The following SMAP1 variants were observed in gnomAD, a reference collection of about 807,000 sequenced individuals.
The protein encoded by SMAP1 is small ArfGAP 1.
In SMAP1, 24 loss-of-function variants were observed where a neutral mutation model predicts 58.5. The observed-to-expected ratio is 0.41, with a 90% CI of 0.30 to 0.58. The LOEUF (loss-of-function observed/expected upper bound fraction) is 0.58. Ranked by LOEUF, SMAP1 falls within the 20% of genes least tolerant of loss-of-function variation. SMAP1 has a pLI of 0.29. For synonymous variants in SMAP1, 216 were observed against 196.6 expected (o/e 1.10, Z -0.82); for missense variants, 563 against 566.3 (o/e 0.99, Z 0.06).
chr6:70,844,011 A>G (rs1770897730), intron 7 of SMAP1, among the ~76,000 whole-genome samples: 1 of 152,156 alleles, frequency 6.6e-6, no homozygotes, highest in South Asian at 2.1e-4. Context: ...AGCCACTACC[A>G]TTAGAGAGAA....
intron 7 of SMAP1, among the ~76,000 whole-genome samples, chr6:70,847,134 T>C (rs1456352436): frequency 1.3e-5 from 2 of 152,216 alleles, no homozygotes; most frequent in African/African-American, 4.8e-5. Context: ...ATTTGGATTA[T>C]TGGCGTCAGA....
chr6:70,757,805 C>G (rs1406532212), intron 3 of SMAP1, among the ~76,000 whole-genome samples: 2 of 152,194 alleles, frequency 1.3e-5, no homozygotes, highest in South Asian at 2.1e-4. Context: ...AAATGCAAAT[C>G]AAAACCACAA....
In SMAP1 at chr6:70,754,902, A is replaced by G; in HGVS notation, c.253-78A>G. The G allele has an allele frequency of 4.2e-6, 3 of 711,334 alleles. No homozygotes were observed. In the East Asian group the frequency reaches 7.7e-5, roughly 18 times the overall value. 44.1% of individuals were successfully genotyped at this position (711,334 alleles called of 1,614,324 possible). A position where few individuals can be genotyped will look rare whatever the true frequency, so the allele number is the denominator to read the frequency against. On this transcript the variant is annotated intron_variant, in intron 2 of 10. Transcript: ENST00000370455. The stretch of plus-strand genomic sequence containing the variant: ...AATAAATTATTTGGTATTTGTGTAT[A>G]TGTATGTATGTGTATGTATGTGCAG...
intron 1 of SMAP1, among the ~76,000 whole-genome samples, chr6:70,686,503 T>TA (rs1766940038): frequency 6.6e-6 from 1 of 152,216 alleles, no homozygotes; most frequent in African/African-American, 2.4e-5. Flanking sequence ...GAATTATAGT[T>TA]AACTCTTGAA....
At position 70,808,935 on chromosome 6, in the gene SMAP1, T is replaced by TGTGTGTGG. The variant is rs1285058510; in HGVS notation, c.576+10204_576+10205insGGGTGTGT. On this transcript the variant is annotated intron_variant, in intron 6 of 10. Transcript: ENST00000370455. ...GTGTGTGTGTGTGTGTGTGTGTGTG[T>TGTGTGTGG]GTGTGTACACACTTACTGGTTTCTT... is the stretch of plus-strand genomic sequence containing the variant. Among the ~76,000 whole-genome samples the TGTGTGTGG allele has an allele frequency of 3.3e-5, 5 of 149,870 alleles. No individual in the cohort carries two copies. The East Asian group carries it at 9.7e-4, about 29-fold the overall frequency.
chr6:70,671,374 A>G (rs1345123399), intron 1 of SMAP1, among the ~76,000 whole-genome samples: 4 of 152,274 alleles, frequency 2.6e-5, no homozygotes, highest in Admixed American at 1.3e-4. Context: ...ATTCAAGACC[A>G]GCCTGGCCAA....
Position 70,755,359 on chromosome 6 carries a change from G to T in SMAP1, c.338+294G>T, listed in dbSNP as rs116680810. ...CTTACGATTTTTCCACTTCATGATGGTGAGAAAGCAGTATGCGTTTGGTAG... is the reference window on the plus strand; with the variant it reads ...CTTACGATTTTTCCACTTCATGATGTTGAGAAAGCAGTATGCGTTTGGTAG... On this transcript the variant is annotated intron_variant, in intron 3 of 10. Coordinates refer to ENST00000370455, the MANE Select transcript of SMAP1 (RefSeq NM_001044305.3). 7.0e-3 allele frequency among the ~76,000 whole-genome samples: 1,072 copies of T among 152,108 alleles called. 11 individuals carry two copies. The highest frequency in any genetic ancestry group is 0.024 in the African/African-American group (1,006 of 41,526).
chr6:70,832,710 C>T (rs1412107715), intron 6 of SMAP1, among the ~76,000 whole-genome samples: 2 of 152,160 alleles, frequency 1.3e-5, no homozygotes. Context: ...GGCAAGAGAG[C>T]ACTTGAACAA....
chr6:70,706,681 G>GA (rs199539405), intron 1 of SMAP1, among the ~76,000 whole-genome samples: 3,572 of 152,202 alleles, frequency 0.023, 53 homozygotes, highest in Non-Finnish European at 0.037. Flanking sequence ...TTAAACAAAT[G>GA]AAAAAATATA....
intron 6 of SMAP1, among the ~76,000 whole-genome samples, chr6:70,812,562 T>C (rs992678787): frequency 6.6e-6 from 1 of 152,190 alleles, no homozygotes; most frequent in Non-Finnish European, 1.5e-5. Flanking sequence ...TATTTGAAAG[T>C]ATTGCAGTGC....
In SMAP1 at chr6:70,691,226, A is replaced by G. The variant is rs138194243; in HGVS notation, c.118+23085A>G. Among the ~76,000 whole-genome samples, 97 of 152,080 alleles carry G rather than the reference A, an allele frequency of 6.4e-4. No individual in the cohort carries two copies. The East Asian group carries it at 0.016, about 25-fold the overall frequency. On this transcript the variant is annotated intron_variant, in intron 1 of 10. Coordinates refer to ENST00000370455, the MANE Select transcript of SMAP1 (RefSeq NM_001044305.3). ...GCCATGCTAGAGATTTACCTATTTT[A>G]TTGATGTTTTTCAAATAATCAGTCT...
chr6:70,857,936 C>G lies in SMAP1; in HGVS notation c.976C>G (p.Pro326Ala). The change falls in exon 10 of 11, where the codon CCC (proline) becomes GCC (alanine). Residue 326 changes from proline (P) to alanine (A), a missense_variant. Pro to Ala is a conservative substitution (Grantham distance 27). Coordinates refer to ENST00000370455, the MANE Select transcript of SMAP1 (RefSeq NM_001044305.3). ...QQSTPGVFMGPTNIPFTSQAP... is the reference protein window; with the variant it reads ...QQSTPGVFMGATNIPFTSQAP... Reference sequence around the variant, plus strand: ...TTGTGGTGCAGGTGTATTTATGGGACCCACAAATATACCATTTACCTCACA... The same window carrying G: ...TTGTGGTGCAGGTGTATTTATGGGAGCCACAAATATACCATTTACCTCACA... 1 of 1,613,908 alleles carries G rather than the reference C, an allele frequency of 6.2e-7. No homozygotes were observed. Among genetic ancestry groups the G allele is most frequent in the Non-Finnish European group, 8.5e-7 (1 of 1,179,892 alleles).
At chr6:70,756,264 T>C (rs1766486686) in intron 3 of SMAP1, among the ~76,000 whole-genome samples, 1 of 152,128 alleles carries the variant, frequency 6.6e-6, no homozygotes, top group South Asian at 2.1e-4. Flanking sequence ...CCCATTTGTA[T>C]AGTAAAACAA....
At chr6:70,729,392 T>TCA (rs1424758375) in intron 1 of SMAP1, among the ~76,000 whole-genome samples, 1 of 145,270 alleles carries the variant, frequency 6.9e-6, no homozygotes, top group East Asian at 2.0e-4. Flanking sequence ...TGAGCCGAGA[T>TCA]CACGCCACTG....
chr6:70,682,739 C>G (rs1766771193), intron 1 of SMAP1, among the ~76,000 whole-genome samples: 1 of 152,102 alleles, frequency 6.6e-6, no homozygotes, highest in African/African-American at 2.4e-5. Flanking sequence ...CCCACCACTA[C>G]TATCTAAAGA....
chr6:70,814,083 G>A (rs1487908134), intron 6 of SMAP1, among the ~76,000 whole-genome samples: 2 of 152,152 alleles, frequency 1.3e-5, no homozygotes, highest in African/African-American at 4.8e-5. Context: ...CCTATTTATA[G>A]TAAAGCATCT....
chr6:70,684,680 A>G (rs1766860324), intron 1 of SMAP1, among the ~76,000 whole-genome samples: 1 of 151,094 alleles, frequency 6.6e-6, no homozygotes, highest in Non-Finnish European at 1.5e-5. Flanking sequence ...TAAGTTTTTC[A>G]GTGTCCTTAT....
At chr6:70,848,132 G>A (rs1163032416) in intron 7 of SMAP1, among the ~76,000 whole-genome samples, 1 of 152,082 alleles carries the variant, frequency 6.6e-6, no homozygotes, top group Middle Eastern at 3.2e-3. Context: ...TTATTAGTGG[G>A]CCCATGATCA....
intron 5 of SMAP1, among the ~76,000 whole-genome samples, chr6:70,798,157 T>C (rs1438732285): frequency 6.6e-6 from 1 of 152,038 alleles, no homozygotes; most frequent in Admixed American, 6.6e-5. Context: ...AAATCTATGA[T>C]AATGGACTGA....
Sources: gnomAD v4.1 joint callset for allele counts (sites outside exome capture counted in the v4.1 genomes callset) on GRCh38, gnomAD v4.1.1 for gene constraint, MANE v1.5 for transcripts, NCBI Gene and HGNC (gene_info 2026-07-23, HGNC 2026-07-21) for gene names.